The following CEACAM6 variants were observed in gnomAD, a reference collection of about 807,000 sequenced individuals.
The protein encoded by CEACAM6 is cell adhesion molecule CEACAM6.
In CEACAM6, 21 loss-of-function variants were observed where a neutral mutation model predicts 32.4. The ratio of observed to expected loss-of-function variants is 0.65; its 90% CI spans 0.46 to 0.93. CEACAM6 has a LOEUF of 0.93. Ranked by LOEUF, CEACAM6 falls within the 40% of genes least tolerant of loss-of-function variation. The pLI, the probability that CEACAM6 is intolerant of heterozygous loss-of-function variation, is 0.00. For missense variants in CEACAM6, 406 were observed against 432.2 expected (o/e 0.94, Z 0.54); for synonymous variants, 184 against 174.4 (o/e 1.06, Z -0.43).
intron 4 of CEACAM6, among the ~76,000 whole-genome samples, 197 bp from the exon 5 acceptor site, chr19:41,765,986 A>G (rs1475727156): frequency 6.6e-6 from 1 of 152,268 alleles, no homozygotes; most frequent in East Asian, 1.9e-4. Context: ...GAGTGCAGAA[A>G]GAACAGGATG....
At chr19:41,763,695 G>A (rs1490843916) in intron 4 of CEACAM6, among the ~76,000 whole-genome samples, 1 of 152,168 alleles carries the variant, frequency 6.6e-6, no homozygotes, top group Non-Finnish European at 1.5e-5. Context: ...GACTTGGGTG[G>A]ACTGAGGGGT....
chr19:41,770,748 G>A (rs2072989279), intron 5 of CEACAM6, 54 bp from the exon 6 acceptor site: 1 of 152,172 alleles, frequency 6.6e-6, no homozygotes, highest in Non-Finnish European at 1.5e-5. Flanking sequence ...TAGTACACCT[G>A]TTATGACATC....
rs78810985 is a variant in CEACAM6 at position 41,771,722 on chromosome 19, G to A, written c.*961G>A. 3.5e-3 allele frequency: 537 copies of A among 152,210 alleles called. 2 individuals carry two copies. Among genetic ancestry groups the A allele is most frequent in the African/African-American group, 0.012 (512 of 41,518 alleles). 9.4% of individuals were successfully genotyped at this position (152,210 alleles called of 1,614,324 possible). A position where few individuals can be genotyped will look rare whatever the true frequency, so the allele number is the denominator to read the frequency against. On this transcript the variant is annotated 3_prime_UTR_variant, in exon 6 of 6. Transcript: ENST00000199764. ...ATAGTGAATGGTCTCTCTTTGGCTG[G>A]AATTACAAAACTCAGAGAAATGTGT...
At chr19:41,760,515 G>T (rs1335000432) in intron 2 of CEACAM6, among the ~76,000 whole-genome samples, 2 of 152,200 alleles carry the variant, frequency 1.3e-5, no homozygotes, top group African/African-American at 4.8e-5. Context: ...AAAGGCCAAA[G>T]AAAAGGAACA....
At chr19:41,768,252 C>G (rs367629073) in intron 5 of CEACAM6, among the ~76,000 whole-genome samples, 6 of 152,138 alleles carry the variant, frequency 3.9e-5, no homozygotes, top group African/African-American at 1.4e-4. Flanking sequence ...TGCGGCCTTC[C>G]GCAGTGTTTG....
chr19:41,767,222 G>A (rs782624060), intron 5 of CEACAM6, among the ~76,000 whole-genome samples: 4 of 152,004 alleles, frequency 2.6e-5, no homozygotes, highest in Non-Finnish European at 5.9e-5. Context: ...TAAAAACAGG[G>A]TGATCTCCCC....
chr19:41,770,255 C>CAAAAAAAAAAAA (rs1158293587), intron 5 of CEACAM6, among the ~76,000 whole-genome samples: 2 of 40,512 alleles, frequency 4.9e-5, no homozygotes, highest in African/African-American at 6.8e-5. Context: ...GCTAAAAATA[C>CAAAAAAAAAAAA]AAAAAAAAAA....
chr19:41,770,880 T>G lies in CEACAM6; in HGVS notation c.*119T>G, dbSNP rs978035137. ...GAACCACTAAAAACAAGGTCTGCTC[T>G]GCTCCTGAAGCCCTATATGCTGGAG... On this transcript the variant is annotated 3_prime_UTR_variant, in exon 6 of 6. Transcript: ENST00000199764. 6.5e-6 allele frequency: 1 copy of G among 153,088 alleles called. No individual in the cohort carries two copies. The highest frequency in any genetic ancestry group is 1.5e-5 in the Non-Finnish European group (1 of 68,562). 9.5% of individuals were successfully genotyped at this position (153,088 alleles called of 1,614,324 possible).
intron 4 of CEACAM6, among the ~76,000 whole-genome samples, chr19:41,762,944 TAA>T (rs1379432558): frequency 1.3e-5 from 2 of 152,068 alleles, no homozygotes; most frequent in African/African-American, 2.4e-5. Flanking sequence ...ACTGGCTGTA[TAA>T]GACTGTGGGC....
chr19:41,756,468 A>T, intron 1 of CEACAM6, 132 bp from the exon 2 acceptor site: 3 of 1,332,592 alleles, frequency 2.3e-6, no homozygotes, highest in Non-Finnish European at 3.0e-6. Flanking sequence ...ACACACACAC[A>T]CACACACACA....
chr19:41,761,662 C>G, intron 3 of CEACAM6, 135 bp downstream of exon 3: 1 of 1,434,506 alleles, frequency 7.0e-7, no homozygotes. Flanking sequence ...CTGCCCTGAG[C>G]AAACCTGGGC....
chr19:41,760,445 G>T (rs531468377), intron 2 of CEACAM6, among the ~76,000 whole-genome samples: 18 of 152,274 alleles, frequency 1.2e-4, no homozygotes, highest in Non-Finnish European at 2.4e-4. Flanking sequence ...ACATCCACAT[G>T]TGTTTATGGA....
chr19:41,770,255 CAAAA>C (rs1158293587), intron 5 of CEACAM6, among the ~76,000 whole-genome samples: 9 of 40,536 alleles, frequency 2.2e-4, no homozygotes, highest in Non-Finnish European at 5.5e-4. Flanking sequence ...GCTAAAAATA[CAAAA>C]AAAAAAAAAA....
intron 4 of CEACAM6, among the ~76,000 whole-genome samples, chr19:41,763,302 C>T (rs2072937658): frequency 6.6e-6 from 1 of 152,170 alleles, no homozygotes; most frequent in South Asian, 2.1e-4. Flanking sequence ...CCTGAACTCA[C>T]CTCTAGACTT....
At chr19:41,763,904 T>C (rs2072942501) in intron 4 of CEACAM6, among the ~76,000 whole-genome samples, 1 of 152,214 alleles carries the variant, frequency 6.6e-6, no homozygotes. Flanking sequence ...CCGATTTGGA[T>C]GTCTGTTTAT....
intron 4 of CEACAM6, among the ~76,000 whole-genome samples, chr19:41,764,349 GATCA>G (rs1170315554): frequency 2.0e-5 from 3 of 152,056 alleles, no homozygotes; most frequent in African/African-American, 7.3e-5. Context: ...GCAGTGGCTT[GATCA>G]TAGCTTACTT....
rs782628839 is a variant in CEACAM6, at chr19:41,766,141, A to T, written c.959-42A>T. On this transcript the variant is annotated intron_variant, in intron 4 of 5. Transcript: ENST00000199764. ...AGCTAGTTCTTGGGGACCCCACTGT[A>T]GAATAACATCACCTTCATTCCTTCT... The T allele has an allele frequency of 3.4e-6, 5 of 1,449,832 alleles. No homozygotes were observed. The South Asian group carries it at 3.7e-5, about 11-fold the overall frequency. The allele number at this position is 1,449,832 out of a possible 1,614,324, so 89.8% of individuals were successfully genotyped here.
chr19:41,769,277 G>T (rs2072977763), intron 5 of CEACAM6, among the ~76,000 whole-genome samples: 1 of 152,082 alleles, frequency 6.6e-6, no homozygotes, highest in Non-Finnish European at 1.5e-5. Flanking sequence ...CTTCCTTAAA[G>T]CATTTGCAAT....
At chr19:41,756,501 C>G in intron 1 of CEACAM6, 99 bp from the exon 2 acceptor site, 1 of 1,489,912 alleles carries the variant, frequency 6.7e-7, no homozygotes, top group Non-Finnish European at 9.0e-7. Flanking sequence ...CACGCTCCAA[C>G]GTGGAGGGGT....
Sources: gnomAD v4.1 joint callset for allele counts (sites outside exome capture counted in the v4.1 genomes callset) on GRCh38, gnomAD v4.1.1 for gene constraint, MANE v1.5 for transcripts, NCBI Gene and HGNC (gene_info 2026-07-23, HGNC 2026-07-21) for gene names.